NAALADL2: variants seen among roughly 807,000 people sequenced by gnomAD.
The protein encoded by NAALADL2 is inactive N-acetylated-alpha-linked acidic dipeptidase-like protein 2.
In NAALADL2, 76 loss-of-function variants were observed where a neutral mutation model predicts 87.2. The observed-to-expected ratio is 0.87, with a 90% CI of 0.72 to 1.05. The LOEUF (loss-of-function observed/expected upper bound fraction) is 1.05. NAALADL2 is among the 50% of genes least tolerant of loss of function. NAALADL2 has a pLI of 0.00. For missense variants in NAALADL2, 1,089 were observed against 945.8 expected (o/e 1.15, Z -1.99); for synonymous variants, 354 against 331.0 (o/e 1.07, Z -0.75).
intron 3 of NAALADL2, among the ~76,000 whole-genome samples, chr3:174,763,179 A>G (rs1379023289): frequency 1.3e-5 from 2 of 152,142 alleles, no homozygotes; most frequent in Admixed American, 6.6e-5. Context: ...AAATTTGACT[A>G]TATCCTGAAA....
At chr3:174,919,990 C>G (rs183404212) in intron 1 of NAALADL2, among the ~76,000 whole-genome samples, 1 of 152,118 alleles carries the variant, frequency 6.6e-6, no homozygotes, top group Admixed American at 6.6e-5. Flanking sequence ...TTTTTCTGAG[C>G]AATAGGTCTC....
intron 9 of NAALADL2, among the ~76,000 whole-genome samples, chr3:175,575,014 A>G (rs1407976043): frequency 6.6e-6 from 1 of 152,190 alleles, no homozygotes; most frequent in Admixed American, 6.5e-5. Flanking sequence ...AATTTATTAA[A>G]GAAGACATTT....
rs73881316 is a variant in NAALADL2, at chr3:175,630,586, T to C, written c.1896+3200T>C. ...GGATAATACAGATATAAAAACATAA[T>C]CAAACTCATTTTAAATGCTAAGAGT... On this transcript the variant is annotated intron_variant, in intron 11 of 13. Transcript: ENST00000454872. 3.6e-3 allele frequency among the ~76,000 whole-genome samples: 553 copies of C among 151,852 alleles called. 3 individuals are homozygous for C. Among genetic ancestry groups the C allele is most frequent in the African/African-American group, 0.012 (511 of 41,522 alleles).
At chr3:174,964,239 C>T (rs748223996) in intron 1 of NAALADL2, among the ~76,000 whole-genome samples, 3 of 152,048 alleles carry the variant, frequency 2.0e-5, no homozygotes, top group Non-Finnish European at 4.4e-5. Flanking sequence ...AAAATGGTCT[C>T]TATTCATAGA....
intron 1 of NAALADL2, among the ~76,000 whole-genome samples, chr3:174,451,843 G>GGT (rs1715501587): frequency 1.0e-5 from 1 of 98,098 alleles, no homozygotes. Context: ...GATAGTGGGA[G>GGT]TTTTTTTTTT....
intron 3 of NAALADL2, among the ~76,000 whole-genome samples, chr3:175,240,362 C>T (rs984108272): frequency 1.3e-5 from 2 of 152,182 alleles, no homozygotes; most frequent in African/African-American, 4.8e-5. Flanking sequence ...AATACAAACA[C>T]TGCATGGAAT....
chr3:175,344,851 T>A (rs1219548148), intron 5 of NAALADL2, among the ~76,000 whole-genome samples: 1 of 152,194 alleles, frequency 6.6e-6, no homozygotes, highest in East Asian at 1.9e-4. Flanking sequence ...TTATAAATGT[T>A]GTACAAGTAT....
At chr3:174,668,423 G>T (rs1247699362) in intron 2 of NAALADL2, among the ~76,000 whole-genome samples, 1 of 87,234 alleles carries the variant, frequency 1.1e-5, no homozygotes, top group Non-Finnish European at 2.9e-5. Flanking sequence ...ATAATTTGAG[G>T]TCTTTTTTTT....
At chr3:175,784,435 AGT>A (rs1430203110) in intron 13 of NAALADL2, among the ~76,000 whole-genome samples, 6 of 143,132 alleles carry the variant, frequency 4.2e-5, no homozygotes, top group Admixed American at 3.4e-4. Flanking sequence ...GTCTTGGGAG[AGT>A]GTATGTGTCG....
At chr3:175,413,844 T>A (rs764218421) in intron 5 of NAALADL2, among the ~76,000 whole-genome samples, 54 of 152,024 alleles carry the variant, frequency 3.6e-4, no homozygotes, top group Non-Finnish European at 6.6e-4. Flanking sequence ...AAAATAAAAA[T>A]AAAAAATAAG....
intron 1 of NAALADL2, among the ~76,000 whole-genome samples, chr3:175,064,897 A>T (rs1714254970): frequency 6.6e-6 from 1 of 152,196 alleles, no homozygotes; most frequent in Admixed American, 6.6e-5. Context: ...CTTGGCTTTA[A>T]GTAGAAGGAA....
chr3:175,480,273 A>C (rs1282731579), intron 9 of NAALADL2, among the ~76,000 whole-genome samples: 3 of 148,376 alleles, frequency 2.0e-5, no homozygotes, highest in African/African-American at 7.3e-5. Flanking sequence ...AAACCATGAA[A>C]ATTTTAGGTC....
At chr3:175,481,561 CAT>C (rs1423722322) in intron 9 of NAALADL2, among the ~76,000 whole-genome samples, 1 of 151,776 alleles carries the variant, frequency 6.6e-6, no homozygotes, top group Non-Finnish European at 1.5e-5. Flanking sequence ...TAAAGACAAA[CAT>C]ATATCAGTCA....
intron 2 of NAALADL2, among the ~76,000 whole-genome samples, chr3:174,556,109 A>G (rs1712784701): frequency 1.3e-5 from 2 of 152,034 alleles, no homozygotes; most frequent in African/African-American, 4.8e-5. Context: ...TTCTTTTAAT[A>G]TCACACGAAT....
intron 5 of NAALADL2, among the ~76,000 whole-genome samples, chr3:175,444,377 G>T (rs1720333775): frequency 6.6e-6 from 1 of 152,170 alleles, no homozygotes. Context: ...TTTGAAACAT[G>T]AATCAATTTG....
chr3:174,746,958 C>A (rs1255641205), intron 3 of NAALADL2, among the ~76,000 whole-genome samples: 1 of 152,088 alleles, frequency 6.6e-6, no homozygotes, highest in Non-Finnish European at 1.5e-5. Flanking sequence ...AAATGTGAAA[C>A]CTAAAACTGT....
chr3:175,015,286 A>G (rs1045400402), intron 1 of NAALADL2, among the ~76,000 whole-genome samples: 3 of 152,118 alleles, frequency 2.0e-5, no homozygotes, highest in African/African-American at 4.8e-5. Context: ...AGATTTTTCA[A>G]TTAACCTATG....
At chr3:175,429,711 C>T (rs551114522) in intron 5 of NAALADL2, among the ~76,000 whole-genome samples, 8 of 151,982 alleles carry the variant, frequency 5.3e-5, no homozygotes, top group East Asian at 3.9e-4. Flanking sequence ...AATTTAGATT[C>T]GTCTAAGTAT....
At chr3:175,755,127 G>C in intron 12 of NAALADL2, 93 bp from the exon 13 acceptor site, 5 of 1,045,650 alleles carry the variant, frequency 4.8e-6, no homozygotes, top group Middle Eastern at 3.0e-4. Flanking sequence ...TCAGTGGTCT[G>C]TCTGGCTTAT....
Sources: allele counts gnomAD v4.1 joint callset (sites outside exome capture counted in the v4.1 genomes callset), GRCh38; gene constraint gnomAD v4.1.1; transcripts MANE v1.5; gene names NCBI Gene and HGNC (gene_info 2026-07-23, HGNC 2026-07-21).